GPC5: variants seen among roughly 807,000 people sequenced by gnomAD.
The protein encoded by GPC5 is glypican-5.
A neutral mutation model predicts 53.9 loss-of-function variants in GPC5; 47 were observed. The ratio of observed to expected loss-of-function variants is 0.87; its 90% CI spans 0.69 to 1.11. The LOEUF (loss-of-function observed/expected upper bound fraction) is 1.11, where lower values mean the gene tolerates loss of function less well. Among genes scored for constraint, GPC5 ranks in the 50% most tolerant of loss-of-function variants. The probability of loss-of-function intolerance (pLI) is 0.00; values close to 1 mark genes in which losing one functional copy is unlikely to be tolerated. For synonymous variants in GPC5, 286 were observed against 263.3 expected, an observed-to-expected ratio of 1.09 and a Z score of -0.84; for missense variants, 748 against 713.1, an observed-to-expected ratio of 1.05 and a Z score of -0.56.
chr13:91,478,877 C>T (rs1225418422), intron 2 of GPC5, among the ~76,000 whole-genome samples: 4 of 42,048 alleles, frequency 9.5e-5, no homozygotes, highest in African/African-American at 1.6e-4. Flanking sequence ...CATATATATA[C>T]ACATTATATA....
At chr13:92,315,303 G>C (rs548555636) in intron 7 of GPC5, among the ~76,000 whole-genome samples, 1 of 152,114 alleles carries the variant, frequency 6.6e-6, no homozygotes, top group Non-Finnish European at 1.5e-5. Flanking sequence ...TGGGAGATTC[G>C]GGTAGGATAA....
intron 6 of GPC5, among the ~76,000 whole-genome samples, chr13:92,044,882 A>G (rs1343882455): frequency 1.3e-5 from 2 of 152,282 alleles, no homozygotes; most frequent in African/African-American, 4.8e-5. Context: ...GGCTTTGTCC[A>G]ACTTTAAAAG....
At chr13:91,468,051 CTA>C (rs1882359738) in intron 2 of GPC5, among the ~76,000 whole-genome samples, 1 of 152,096 alleles carries the variant, frequency 6.6e-6, no homozygotes, top group African/African-American at 2.4e-5. Flanking sequence ...AGGAGCAGCC[CTA>C]TCTGAGATGT....
chr13:92,833,487 CACTT>C (rs1218355700), intron 7 of GPC5, among the ~76,000 whole-genome samples: 2 of 152,150 alleles, frequency 1.3e-5, no homozygotes, highest in African/African-American at 2.4e-5. Flanking sequence ...ATTCTTCACT[CACTT>C]GTTCATTAAT....
intron 3 of GPC5, among the ~76,000 whole-genome samples, chr13:91,716,931 G>A (rs897000605): frequency 6.6e-6 from 1 of 152,124 alleles, no homozygotes; most frequent in Admixed American, 6.5e-5. Flanking sequence ...TTTGTTCTGG[G>A]GACTGGGAGA....
intron 7 of GPC5, among the ~76,000 whole-genome samples, chr13:92,537,101 C>T (rs1881749993): frequency 1.3e-5 from 2 of 152,018 alleles, no homozygotes; most frequent in Admixed American, 1.3e-4. Flanking sequence ...ATATCTAAAG[C>T]AGTATGAAGA....
chr13:92,717,740 T>C (rs1433936643), intron 7 of GPC5, among the ~76,000 whole-genome samples: 1 of 152,220 alleles, frequency 6.6e-6, no homozygotes, highest in Non-Finnish European at 1.5e-5. Flanking sequence ...CTTCAATTCA[T>C]ACAAACATTA....
chr13:91,999,811 C>T (rs2040538450), intron 6 of GPC5, among the ~76,000 whole-genome samples: 1 of 152,176 alleles, frequency 6.6e-6, no homozygotes, highest in Non-Finnish European at 1.5e-5. Flanking sequence ...GTAACTCCTG[C>T]ACTATATTCT....
At chr13:91,560,653 C>G (rs570809609) in intron 2 of GPC5, among the ~76,000 whole-genome samples, 196 of 152,230 alleles carry the variant, frequency 1.3e-3, no homozygotes, top group African/African-American at 4.5e-3. Flanking sequence ...ACACAAAGGT[C>G]TTGCAGCACC....
chr13:91,483,112 G>A (rs1306163625), intron 2 of GPC5, among the ~76,000 whole-genome samples: 1 of 152,118 alleles, frequency 6.6e-6, no homozygotes, highest in Non-Finnish European at 1.5e-5. Context: ...TGACTCCAAA[G>A]TTTGGTCATT....
intron 7 of GPC5, among the ~76,000 whole-genome samples, chr13:92,361,914 C>A (rs1479730814): frequency 2.0e-5 from 3 of 151,482 alleles, no homozygotes. Flanking sequence ...CTACAGCTAA[C>A]GAGCTTTTGT....
In GPC5 at chr13:91,900,680, A is replaced by G. The variant is rs1199075542; in HGVS notation, c.1281-7257A>G. Among the ~76,000 whole-genome samples, 24 of 152,086 alleles carry G rather than the reference A, an allele frequency of 1.6e-4. 1 individual carries two copies. Among genetic ancestry groups the G allele is most frequent in the Admixed American group, 1.6e-3 (24 of 15,236 alleles). ...AAAAACGTATTTATCCTTTCTTGGT[A>G]AGATTGGGGAGGGGTTTAAGAAAAG... On this transcript the variant is annotated intron_variant, in intron 5 of 7. Coordinates refer to ENST00000377067, the MANE Select transcript of GPC5 (RefSeq NM_004466.6).
At chr13:92,273,113 T>C (rs542870048) in intron 7 of GPC5, among the ~76,000 whole-genome samples, 79 of 152,266 alleles carry the variant, frequency 5.2e-4, no homozygotes, top group African/African-American at 1.9e-3. Context: ...TTTTTCTTGT[T>C]GTTTTGATTT....
chr13:91,987,784 A>G (rs2040422131), intron 6 of GPC5, among the ~76,000 whole-genome samples: 1 of 145,326 alleles, frequency 6.9e-6, no homozygotes, highest in South Asian at 2.1e-4. Flanking sequence ...ATTTATATAT[A>G]TAGTATTATA....
chr13:91,540,621 T>C (rs2029880479), intron 2 of GPC5, among the ~76,000 whole-genome samples: 1 of 152,240 alleles, frequency 6.6e-6, no homozygotes, highest in South Asian at 2.1e-4. Context: ...ATGTGAATTA[T>C]ACTTCAATAA....
intron 7 of GPC5, among the ~76,000 whole-genome samples, chr13:92,328,978 A>G (rs1288768314): frequency 6.6e-6 from 1 of 151,934 alleles, no homozygotes; most frequent in African/African-American, 2.4e-5. Context: ...GCAACTCCTG[A>G]TTTGCTCTCT....
At position 91,974,054 on chromosome 13, in the gene GPC5, T is replaced by C. The variant is rs570718736; in HGVS notation, c.1401+65997T>C. Among the ~76,000 whole-genome samples the C allele has an allele frequency of 1.5e-3, 230 of 152,276 alleles. 1 individual carries two copies. The Middle Eastern group carries it at 0.051, about 34-fold the overall frequency. ...AAGTCTGCAGAGGTTACTGCTGTCT[T>C]TTCGTTTGTCTTTGCCCTCCCCCAG... On this transcript the variant is annotated intron_variant, in intron 6 of 7. Transcript: ENST00000377067.
intron 2 of GPC5, among the ~76,000 whole-genome samples, chr13:91,554,990 G>A (rs2030860610): frequency 6.6e-6 from 1 of 152,122 alleles, no homozygotes; most frequent in Non-Finnish European, 1.5e-5. Flanking sequence ...CTTGCATTGA[G>A]GGAAAAATGA....
At chr13:92,104,509 A>G (rs987422352) in intron 6 of GPC5, among the ~76,000 whole-genome samples, 2 of 152,184 alleles carry the variant, frequency 1.3e-5, no homozygotes, top group African/African-American at 2.4e-5. Flanking sequence ...GAGGCTCTCT[A>G]TGTAAGTAGG....
Sources: gnomAD v4.1 joint callset for allele counts (sites outside exome capture counted in the v4.1 genomes callset) on GRCh38, gnomAD v4.1.1 for gene constraint, MANE v1.5 for transcripts, NCBI Gene and HGNC (gene_info 2026-07-23, HGNC 2026-07-21) for gene names.